Variants in GABRB2 observed in about 807,000 individuals in gnomAD.
GABRB2 encodes the protein gamma-aminobutyric acid type A receptor subunit beta2.
Under a neutral mutation model 54.7 loss-of-function variants are expected in GABRB2, and 16 were observed. The ratio of observed to expected loss-of-function variants is 0.29; its 90% CI spans 0.20 to 0.44. The LOEUF is 0.44. Ranked by LOEUF, GABRB2 falls within the 20% of genes least tolerant of loss-of-function variation. The pLI is 1.00. For synonymous variants in GABRB2, 244 were observed against 233.8 expected (o/e 1.04, Z -0.40); for missense variants, 355 against 644.0 (o/e 0.55, Z 4.86).
rs187786932 is a variant in GABRB2 at position 161,308,251 on chromosome 5, C to A, written c.1192-13823G>T. ...CATTGTGACAATAGTTGAGACTGACCCCCTGTTTAGGTGTAGGCCTGATTG... is the reference window on the plus strand; with the variant it reads ...CATTGTGACAATAGTTGAGACTGACACCCTGTTTAGGTGTAGGCCTGATTG... On this transcript the variant is annotated intron_variant, in intron 9 of 9. Coordinates refer to ENST00000393959, the MANE Select transcript of GABRB2 (RefSeq NM_001371727.1). Among the ~76,000 whole-genome samples, 444 of 152,212 alleles carry A rather than the reference C, an allele frequency of 2.9e-3. 3 individuals are homozygous for A. Among genetic ancestry groups the A allele is most frequent in the Middle Eastern group, 6.8e-3 (2 of 294 alleles).
intron 3 of GABRB2, among the ~76,000 whole-genome samples, chr5:161,480,094 G>T (rs976019723): frequency 6.6e-6 from 1 of 151,870 alleles, no homozygotes; most frequent in Non-Finnish European, 1.5e-5. Flanking sequence ...TCGTTTTGAG[G>T]CCATCAAATG....
intron 4 of GABRB2, among the ~76,000 whole-genome samples, chr5:161,423,605 G>A (rs1296415452): frequency 1.3e-5 from 2 of 152,070 alleles, no homozygotes; most frequent in Admixed American, 6.6e-5. Flanking sequence ...TTAATAGAAT[G>A]TTTGTTTTAT....
chr5:161,379,481 A>G (rs1333274067), intron 5 of GABRB2, among the ~76,000 whole-genome samples: 1 of 152,200 alleles, frequency 6.6e-6, no homozygotes, highest in African/African-American at 2.4e-5. Flanking sequence ...ATGTAAAAAA[A>G]GAAATCTCAC....
chr5:161,405,131 T>C (rs908461903), intron 5 of GABRB2, among the ~76,000 whole-genome samples: 13 of 152,056 alleles, frequency 8.5e-5, no homozygotes, highest in African/African-American at 2.9e-4. Context: ...CTGCATTTAT[T>C]TGAAAATAGC....
rs773262892 is a variant in GABRB2 at position 161,330,866 on chromosome 5, T to C, written c.1077+17A>G. 1 of 1,614,188 alleles carries C rather than the reference T, an allele frequency of 6.2e-7. No homozygotes were observed. The highest frequency in any genetic ancestry group is 1.7e-5 in the Admixed American group (1 of 60,032). ...CATGAGTTTAAGAAGCAAGGAGGGC[T>C]TGCCCTCTGAATTTACCTTGTTGAC... On this transcript the variant is annotated intron_variant, in intron 8 of 9. Transcript: ENST00000393959.
chr5:161,548,327 T>G (rs1488550555), upstream of GABRB2: 1 of 152,294 alleles, frequency 6.6e-6, no homozygotes, highest in African/African-American at 2.4e-5. Context: ...GCTACGAGTC[T>G]GGGGACACAA....
chr5:161,530,951 C>T (rs1193289635), intron 3 of GABRB2, among the ~76,000 whole-genome samples: 6 of 151,974 alleles, frequency 3.9e-5, no homozygotes, highest in African/African-American at 9.7e-5. Context: ...AATGGTGCAC[C>T]CAGCTGATCA....
intron 3 of GABRB2, among the ~76,000 whole-genome samples, chr5:161,487,646 T>G (rs773200743): frequency 1.3e-5 from 2 of 151,958 alleles, no homozygotes; most frequent in Non-Finnish European, 2.9e-5. Flanking sequence ...TTTGGCCTGC[T>G]TATTTATCCT....
intron 9 of GABRB2, among the ~76,000 whole-genome samples, chr5:161,313,508 G>A (rs1224178717): frequency 6.9e-6 from 1 of 145,570 alleles, no homozygotes; most frequent in Non-Finnish European, 1.5e-5. Flanking sequence ...TCTGATTAAT[G>A]ATTCAAAAAA....
chr5:161,452,611 G>T (rs1475539411), intron 4 of GABRB2, among the ~76,000 whole-genome samples: 1 of 152,054 alleles, frequency 6.6e-6, no homozygotes, highest in Admixed American at 6.6e-5. Context: ...TTGGGTGATG[G>T]GCTCAACAGA....
chr5:161,515,079 T>C (rs1561678566), intron 3 of GABRB2, among the ~76,000 whole-genome samples: 1 of 152,190 alleles, frequency 6.6e-6, no homozygotes, highest in Non-Finnish European at 1.5e-5. Context: ...CTGAGTTCAC[T>C]TGAATATGGC....
intron 4 of GABRB2, among the ~76,000 whole-genome samples, chr5:161,416,724 A>AAAAAAAAAAAAAAAAAAAAAAT (rs1756686189): frequency 6.8e-6 from 1 of 146,146 alleles, no homozygotes; most frequent in Non-Finnish European, 1.5e-5. Context: ...AAAAAAAAAA[A>AAAAAAAAAAAAAAAAAAAAAAT]ATTAGATGCC....
At chr5:161,383,368 CT>C (rs559446145) in intron 5 of GABRB2, among the ~76,000 whole-genome samples, 20 of 150,498 alleles carry the variant, frequency 1.3e-4, no homozygotes, top group South Asian at 6.4e-4. Flanking sequence ...ATTTGTCTTT[CT>C]TTTTTTTTCA....
At position 161,288,527 on chromosome 5, in the gene GABRB2, TA is replaced by T; in HGVS notation, c.*5553del. On this transcript the variant is annotated 3_prime_UTR_variant, in exon 10 of 10. Transcript: ENST00000393959. ...ATGCTGAAACTGGCTGCAATAAGTT[TA>T]AATTCAAGAAAATAATTCTTATGTG... 1 of 152,760 alleles carries T rather than the reference TA, an allele frequency of 6.5e-6. No individual in the cohort carries two copies. The highest frequency in any genetic ancestry group is 2.1e-4 in the South Asian group (1 of 4,834). 9.5% of individuals were successfully genotyped at this position (152,760 alleles called of 1,614,324 possible). A position where few individuals can be genotyped will look rare whatever the true frequency, so the allele number is the denominator to read the frequency against.
At chr5:161,453,529 C>T (rs1229600824) in intron 4 of GABRB2, among the ~76,000 whole-genome samples, 2 of 152,130 alleles carry the variant, frequency 1.3e-5, no homozygotes, top group African/African-American at 4.8e-5. Flanking sequence ...ATCAGGAAAC[C>T]TGCCCTCATC....
Position 161,317,314 on chromosome 5 carries a change from G to GAAACAA in GABRB2, c.1191+9048_1191+9053dup, listed in dbSNP as rs574787971. 8.6e-4 allele frequency among the ~76,000 whole-genome samples: 131 copies of GAAACAA among 152,094 alleles called. No individual in the cohort carries two copies. The East Asian group carries it at 0.016, about 19-fold the overall frequency. On this transcript the variant is annotated intron_variant, in intron 9 of 9. Coordinates refer to ENST00000393959, the MANE Select transcript of GABRB2 (RefSeq NM_001371727.1). The stretch of plus-strand genomic sequence containing the variant: ...CTGTGCCCCATAAATTTATACAAAT[G>GAAACAA]AAACAAAAACAAAAACAAACACTTT...
chr5:161,494,471 T>G (rs1759170307), intron 3 of GABRB2, among the ~76,000 whole-genome samples: 1 of 151,670 alleles, frequency 6.6e-6, no homozygotes, highest in African/African-American at 2.4e-5. Flanking sequence ...TAAGTTGACT[T>G]ATGGTTAGAA....
At chr5:161,389,374 A>T (rs1191140295) in intron 5 of GABRB2, among the ~76,000 whole-genome samples, 1 of 152,064 alleles carries the variant, frequency 6.6e-6, no homozygotes, top group Non-Finnish European at 1.5e-5. Flanking sequence ...GACTCATGTT[A>T]ACAGTGAAAA....
rs2082096410 is a variant in GABRB2 at position 161,289,570 on chromosome 5, C to G, written c.*4511G>C. On this transcript the variant is annotated 3_prime_UTR_variant, in exon 10 of 10. Transcript: ENST00000393959. ...TTTTCTGTAGTGCCATCTATACAAA[C>G]TTTTACTGTTTGAAAACTGAGATTT... 6.6e-6 allele frequency: 1 copy of G among 152,010 alleles called. No individual in the cohort carries two copies. The highest frequency in any genetic ancestry group is 1.5e-5 in the Non-Finnish European group (1 of 67,986). The allele number at this position is 152,010 out of a possible 1,614,324, so 9.4% of individuals were successfully genotyped here.
Sources: gnomAD v4.1 joint callset for allele counts (sites outside exome capture counted in the v4.1 genomes callset) on GRCh38, gnomAD v4.1.1 for gene constraint, MANE v1.5 for transcripts, NCBI Gene and HGNC (gene_info 2026-07-23, HGNC 2026-07-21) for gene names.